Variants in MAP4 observed in about 807,000 individuals in gnomAD.
The protein encoded by MAP4 is microtubule-associated protein 4.
MAP4 carries 76 observed loss-of-function variants against 170.2 expected under a neutral mutation model. The observed-to-expected ratio is 0.45, with a 90% CI of 0.37 to 0.54. The LOEUF (loss-of-function observed/expected upper bound fraction) is 0.54. MAP4 is among the 20% of genes least tolerant of loss of function. The pLI is 0.00. For synonymous variants in MAP4, 909 were observed against 994.5 expected (o/e 0.91, Z 1.62); for missense variants, 2,506 against 2,748.0 (o/e 0.91, Z 1.97).
Position 47,857,430 on chromosome 3 carries a change from C to T in MAP4, c.6583+1G>A. On this transcript the variant is annotated splice_donor_variant, in intron 18 of 20. Coordinates refer to ENST00000683076, the MANE Select transcript of MAP4 (RefSeq NM_001385682.1). LOFTEE classifies it high-confidence loss of function. ...CAGTGGGCAAGGGAGGCACCACTCA[C>T]CAGGCTTGTGCTTGATGTTAGCCTT... is the stretch of plus-strand genomic sequence containing the variant. 1 of 1,613,772 alleles carries T rather than the reference C, an allele frequency of 6.2e-7. No individual in the cohort carries two copies. The highest frequency in any genetic ancestry group is 2.2e-5 in the East Asian group (1 of 44,868).
At chr3:47,980,342 C>CCT (rs2100084766) in intron 2 of MAP4, among the ~76,000 whole-genome samples, 1 of 152,174 alleles carries the variant, frequency 6.6e-6, no homozygotes, top group East Asian at 1.9e-4. Flanking sequence ...GCTCTGCAGT[C>CCT]ACCTTGCTGA....
chr3:47,984,964 G>A (rs1300653150), intron 2 of MAP4, among the ~76,000 whole-genome samples: 3 of 150,788 alleles, frequency 2.0e-5, no homozygotes, highest in Middle Eastern at 3.3e-3. Flanking sequence ...GTGAGACCCC[G>A]TCTTAAAAAA....
rs750090401 is a variant in MAP4 at position 47,987,428 on chromosome 3, G to A, written c.224-9495C>T. The stretch of plus-strand genomic sequence containing the variant: ...AGGCTGGCAGGGTGTGGGGGTAGTG[G>A]GAGGTCTAGAAGGGAAAGGGAACAG... On this transcript the variant is annotated intron_variant, in intron 2 of 20. Coordinates refer to ENST00000683076, the MANE Select transcript of MAP4 (RefSeq NM_001385682.1). 4.6e-6 allele frequency: 7 copies of A among 1,530,378 alleles called. No homozygotes were observed. In the African/African-American group the frequency reaches 9.6e-5, roughly 21 times the overall value. 94.8% of individuals were successfully genotyped at this position (1,530,378 alleles called of 1,614,324 possible). A position where few individuals can be genotyped will look rare whatever the true frequency, so the allele number is the denominator to read the frequency against.
intron 1 of MAP4, among the ~76,000 whole-genome samples, chr3:48,009,036 T>C (rs1002595893): frequency 6.6e-6 from 1 of 152,216 alleles, no homozygotes; most frequent in Non-Finnish European, 1.5e-5. Context: ...TGGGTTCGCC[T>C]ATCCTGTATG....
intron 1 of MAP4, among the ~76,000 whole-genome samples, chr3:48,029,983 C>T (rs960637437): frequency 1.4e-5 from 2 of 145,038 alleles, no homozygotes; most frequent in African/African-American, 5.0e-5. Context: ...AGCAAGATTC[C>T]ATCTCAAAAA....
At chr3:47,879,709 G>A (rs1177155924) in intron 10 of MAP4, among the ~76,000 whole-genome samples, 2 of 152,132 alleles carry the variant, frequency 1.3e-5, no homozygotes, top group East Asian at 1.9e-4. Context: ...CCAAAGTGCT[G>A]GGATTACAGA....
intron 17 of MAP4, among the ~76,000 whole-genome samples, chr3:47,864,922 G>A (rs1410849684): frequency 1.3e-5 from 2 of 152,062 alleles, no homozygotes; most frequent in Non-Finnish European, 2.9e-5. Flanking sequence ...ATTTTAAACT[G>A]CACATTTCCT....
At chr3:47,960,862 T>C (rs912059261) in intron 3 of MAP4, 2 of 168,310 alleles carry the variant, frequency 1.2e-5, no homozygotes, top group Non-Finnish European at 2.8e-5. Context: ...ACTCTTATCA[T>C]AGAAAAGTTC....
rs1017022326 is a variant in MAP4 at position 47,912,054 on chromosome 3, C to T, written c.2367G>A (p.Ser789=). The change falls in exon 9 of 21, where the codon TCG becomes TCA. Residue 789 remains serine (S), a synonymous_variant. Coordinates refer to ENST00000683076, the MANE Select transcript of MAP4 (RefSeq NM_001385682.1). The part of the protein sequence containing the change: ...RYSQPRAGGP[S]DDDNADKPKG... ...TAGGCTTATCTGCATTGTCATCATC[C>T]GAAGGTCCTCCAGCCCGTGGTTGAG... The T allele has an allele frequency of 9.1e-6, 14 of 1,535,980 alleles. No individual in the cohort carries two copies. The African/African-American group carries it at 9.6e-5, about 11-fold the overall frequency.
chr3:47,988,681 A>T lies in MAP4; in HGVS notation c.223+9957T>A, dbSNP rs185471280. Among the ~76,000 whole-genome samples the T allele has an allele frequency of 3.7e-3, 566 of 152,174 alleles. 4 individuals are homozygous for T. The highest frequency in any genetic ancestry group is 0.013 in the African/African-American group (530 of 41,508). On this transcript the variant is annotated intron_variant, in intron 2 of 20. Transcript: ENST00000683076. ...CAAGATTCTTTTACATTTCCTGAAC[A>T]TACATCTAATAATTCTATTTGAATT...
At chr3:47,892,363 C>A (rs1364323933) in intron 10 of MAP4, 1 of 1,536,280 alleles carries the variant, frequency 6.5e-7, no homozygotes, top group South Asian at 1.2e-5. Flanking sequence ...TGCCCTCTGT[C>A]CTCTGCCATT....
chr3:47,999,556 T>C (rs569060830), intron 1 of MAP4, among the ~76,000 whole-genome samples: 2 of 152,148 alleles, frequency 1.3e-5, no homozygotes, highest in South Asian at 2.1e-4. Flanking sequence ...TGTGGGAACA[T>C]AGATGGGAAG....
intron 2 of MAP4, among the ~76,000 whole-genome samples, chr3:47,979,026 C>T (rs998574087): frequency 1.3e-5 from 2 of 151,968 alleles, no homozygotes; most frequent in African/African-American, 4.8e-5. Flanking sequence ...TTAACTGTGC[C>T]TTTCAAATAG....
At chr3:47,976,035 C>T (rs1481681418) in intron 3 of MAP4, among the ~76,000 whole-genome samples, 1 of 152,180 alleles carries the variant, frequency 6.6e-6, no homozygotes, top group Admixed American at 6.5e-5. Flanking sequence ...GGTGATCCGC[C>T]CGCCTCGGTC....
chr3:48,058,050 T>A (rs941009050), intron 1 of MAP4, among the ~76,000 whole-genome samples: 1 of 152,222 alleles, frequency 6.6e-6, no homozygotes, highest in Non-Finnish European at 1.5e-5. Context: ...ATTTATTGAA[T>A]TAGATTGAAC....
chr3:48,069,526 T>A (rs762792048), intron 1 of MAP4, among the ~76,000 whole-genome samples: 1 of 152,204 alleles, frequency 6.6e-6, no homozygotes, highest in Non-Finnish European at 1.5e-5. Context: ...TTTGGGCAAG[T>A]CTACCTTAGA....
At chr3:48,080,276 G>A (rs2100145960) in intron 1 of MAP4, among the ~76,000 whole-genome samples, 1 of 152,210 alleles carries the variant, frequency 6.6e-6, no homozygotes, top group African/African-American at 2.4e-5. Flanking sequence ...CTTATCTTGG[G>A]AAATACCTGC....
chr3:47,958,127 C>A (rs886529094), intron 3 of MAP4, among the ~76,000 whole-genome samples: 2 of 152,146 alleles, frequency 1.3e-5, no homozygotes, highest in African/African-American at 4.8e-5. Context: ...GCCCAATTGT[C>A]AAGGGGAAAC....
chr3:47,863,570 C>T (rs879928717), intron 17 of MAP4, among the ~76,000 whole-genome samples: 5 of 152,106 alleles, frequency 3.3e-5, no homozygotes, highest in Admixed American at 2.0e-4. Flanking sequence ...TCTGCTTGTG[C>T]TTACACAGGC....
Sources: gnomAD v4.1 joint callset for allele counts (sites outside exome capture counted in the v4.1 genomes callset) on GRCh38, gnomAD v4.1.1 for gene constraint, MANE v1.5 for transcripts, NCBI Gene and HGNC (gene_info 2026-07-23, HGNC 2026-07-21) for gene names.